RGS6: variants seen among roughly 807,000 people sequenced by gnomAD.
RGS6 encodes the protein regulator of G protein signaling 6, also known as regulator of G-protein signaling 6.
A neutral mutation model predicts 78.5 loss-of-function variants in RGS6; 30 were observed. The observed-to-expected ratio is 0.38, with a 90% CI of 0.29 to 0.52. RGS6 has a LOEUF of 0.52. Among genes scored for constraint, RGS6 ranks in the 20% least tolerant of loss-of-function variants. RGS6 has a pLI of 0.85. For missense variants in RGS6, 495 were observed against 609.7 expected (o/e 0.81, Z 1.98); for synonymous variants, 206 against 206.0 (o/e 1.00, Z 0.00).
At chr14:71,908,775 A>T in the RGS6 span, among the ~76,000 whole-genome samples, 1 of 152,150 alleles carries the variant, frequency 6.6e-6, no homozygotes, top group Non-Finnish European at 1.5e-5. Flanking sequence ...AACATGTTAG[A>T]GGAACCCCTG....
intron 2 of RGS6, among the ~76,000 whole-genome samples, chr14:72,268,894 A>G (rs1376224363): frequency 6.6e-6 from 1 of 152,016 alleles, no homozygotes; most frequent in Non-Finnish European, 1.5e-5. Context: ...ACAGAGGGGG[A>G]CTTTTAGGTT....
chr14:72,365,806 C>A (rs902952954), intron 3 of RGS6, among the ~76,000 whole-genome samples: 1 of 151,878 alleles, frequency 6.6e-6, no homozygotes, highest in Non-Finnish European at 1.5e-5. Context: ...ATTCATCTAA[C>A]CTGTTTTGGG....
At chr14:72,037,282 C>G (rs544970734) in intron 2 of RGS6, among the ~76,000 whole-genome samples, 1 of 152,312 alleles carries the variant, frequency 6.6e-6, no homozygotes, top group East Asian at 1.9e-4. Context: ...TCCATCCACA[C>G]TGTGGAAGCT....
At chr14:72,134,447 A>G (rs1567279357) in intron 2 of RGS6, among the ~76,000 whole-genome samples, 1 of 152,184 alleles carries the variant, frequency 6.6e-6, no homozygotes, top group Non-Finnish European at 1.5e-5. Context: ...GGCTCCTGGT[A>G]AATTCTACAG....
chr14:72,597,855 G>A, the RGS6 span, among the ~76,000 whole-genome samples: 6 of 152,058 alleles, frequency 3.9e-5, no homozygotes, highest in Non-Finnish European at 5.9e-5. Flanking sequence ...GGATGGAGGC[G>A]GTTGCCCAGA....
the RGS6 span, among the ~76,000 whole-genome samples, chr14:72,623,396 A>C: frequency 6.6e-6 from 1 of 152,242 alleles, no homozygotes; most frequent in Non-Finnish European, 1.5e-5. Context: ...GAGAGAAACT[A>C]TTCCATCTGA....
intron 2 of RGS6, among the ~76,000 whole-genome samples, chr14:72,279,732 G>A (rs1409450499): frequency 6.6e-6 from 1 of 152,214 alleles, no homozygotes; most frequent in Non-Finnish European, 1.5e-5. Flanking sequence ...TGGCGATGGG[G>A]TGTTGGTTCA....
At chr14:72,052,690 G>A (rs775005386) in intron 2 of RGS6, among the ~76,000 whole-genome samples, 58 of 152,098 alleles carry the variant, frequency 3.8e-4, no homozygotes, top group Non-Finnish European at 7.1e-4. Flanking sequence ...TGATTAAATA[G>A]CAAGTTCAAG....
intron 11 of RGS6, among the ~76,000 whole-genome samples, chr14:72,477,923 G>A (rs2096279422): frequency 1.3e-5 from 2 of 152,198 alleles, no homozygotes; most frequent in Admixed American, 1.3e-4. Context: ...GGGGTCACTG[G>A]GGATTGTTCA....
Position 71,998,485 on chromosome 14 carries a change from G to A in RGS6, c.84+33610G>A, listed in dbSNP as rs17105566. On this transcript the variant is annotated intron_variant, in intron 2 of 17. Coordinates refer to ENST00000553525, the MANE Select transcript of RGS6 (RefSeq NM_001204424.2). ...TCCCTGTAGCTGCCACCCTGGCATC[G>A]AAAAGCTGGGACTGGAAAGCCACCA... is the stretch of plus-strand genomic sequence containing the variant. Among the ~76,000 whole-genome samples the A allele has an allele frequency of 8.5e-5, 13 of 152,198 alleles. No homozygotes were observed. The East Asian group carries it at 9.7e-4, about 11-fold the overall frequency.
chr14:72,025,275 G>A (rs11158930), intron 2 of RGS6, among the ~76,000 whole-genome samples: 1 of 151,526 alleles, frequency 6.6e-6, no homozygotes, highest in Non-Finnish European at 1.5e-5. Flanking sequence ...GCATCCAATA[G>A]TCCCCTTCAA....
At chr14:72,032,565 T>C (rs2091066767) in intron 2 of RGS6, among the ~76,000 whole-genome samples, 2 of 152,272 alleles carry the variant, frequency 1.3e-5, no homozygotes, top group East Asian at 1.9e-4. Flanking sequence ...GGAAACCTCA[T>C]TTTGCAAACC....
intron 1 of RGS6, among the ~76,000 whole-genome samples, chr14:71,955,220 C>T (rs2092693938): frequency 6.6e-6 from 1 of 152,112 alleles, no homozygotes; most frequent in African/African-American, 2.4e-5. Context: ...ATCTGTAATC[C>T]ACTGTTACAC....
At chr14:72,287,591 G>A (rs2062810143) in intron 2 of RGS6, among the ~76,000 whole-genome samples, 1 of 152,070 alleles carries the variant, frequency 6.6e-6, no homozygotes, top group Non-Finnish European at 1.5e-5. Flanking sequence ...CAAGTAGCTG[G>A]GACTATAGGC....
intron 7 of RGS6, among the ~76,000 whole-genome samples, chr14:72,466,880 C>T (rs1566917796): frequency 6.6e-6 from 1 of 152,178 alleles, no homozygotes; most frequent in Non-Finnish European, 1.5e-5. Context: ...TTTTAAATTG[C>T]ACCTTTATAC....
chr14:72,395,232 AT>A (rs1264511536), intron 3 of RGS6, among the ~76,000 whole-genome samples: 1 of 152,124 alleles, frequency 6.6e-6, no homozygotes, highest in Non-Finnish European at 1.5e-5. Flanking sequence ...GAGTAAAATC[AT>A]TTTCTAAATC....
chr14:72,332,425 A>G (rs2075254029), intron 2 of RGS6, among the ~76,000 whole-genome samples: 1 of 152,178 alleles, frequency 6.6e-6, no homozygotes, highest in Admixed American at 6.5e-5. Context: ...AGAAAAAGGG[A>G]AAGCAGTGAG....
the RGS6 span, among the ~76,000 whole-genome samples, chr14:72,599,333 C>A: frequency 6.6e-6 from 1 of 151,624 alleles, no homozygotes; most frequent in Non-Finnish European, 1.5e-5. Flanking sequence ...CTTACTGACT[C>A]CTAAGGTTCC....
chr14:72,142,705 T>C (rs749606144), intron 2 of RGS6, among the ~76,000 whole-genome samples: 12 of 152,210 alleles, frequency 7.9e-5, no homozygotes, highest in Non-Finnish European at 1.5e-4. Context: ...CTAGTCCATG[T>C]TTTGTTCCCT....
Sources: gnomAD v4.1 joint callset for allele counts (sites outside exome capture counted in the v4.1 genomes callset) on GRCh38, gnomAD v4.1.1 for gene constraint, MANE v1.5 for transcripts, NCBI Gene and HGNC (gene_info 2026-07-23, HGNC 2026-07-21) for gene names.